Variants in PEX7 observed in about 807,000 individuals in gnomAD.
PEX7 encodes the protein PTS2 receptor.
In PEX7, 34 loss-of-function variants were observed where a neutral mutation model predicts 47.5. That is an observed-to-expected ratio of 0.72 (90% CI 0.54 to 0.95). PEX7 has a LOEUF of 0.95. PEX7 is among the 40% of genes least tolerant of loss of function. The pLI, the probability that PEX7 is intolerant of heterozygous loss-of-function variation, is 0.00. For missense variants in PEX7, 394 were observed against 400.3 expected, an observed-to-expected ratio of 0.98 and a Z score of 0.13; for synonymous variants, 141 against 148.8, an observed-to-expected ratio of 0.95 and a Z score of 0.38.
chr6:136,904,231 C>T (rs895862330), intron 9 of PEX7, among the ~76,000 whole-genome samples: 9 of 152,134 alleles, frequency 5.9e-5, no homozygotes, highest in African/African-American at 2.2e-4. Context: ...CAGAAGCAGT[C>T]GGTGTCCTCA....
At chr6:136,891,253 G>GA (rs1775547662) in intron 8 of PEX7, among the ~76,000 whole-genome samples, 1 of 152,158 alleles carries the variant, frequency 6.6e-6, no homozygotes, top group Non-Finnish European at 1.5e-5. Context: ...TGTTTACTGT[G>GA]ATGAAGTAAA....
At chr6:136,823,642 G>C (rs1395104835) in intron 1 of PEX7, among the ~76,000 whole-genome samples, 1 of 152,180 alleles carries the variant, frequency 6.6e-6, no homozygotes, top group Non-Finnish European at 1.5e-5. Context: ...TGTAATCCCA[G>C]CACTTTGGGA....
At chr6:136,869,217 A>G (rs1380416307) in intron 6 of PEX7, among the ~76,000 whole-genome samples, 1 of 151,642 alleles carries the variant, frequency 6.6e-6, no homozygotes, top group Non-Finnish European at 1.5e-5. Context: ...GAACCACCGC[A>G]CCCAGCCTTG....
At chr6:136,903,702 A>G (rs1775792521) in intron 9 of PEX7, among the ~76,000 whole-genome samples, 1 of 151,988 alleles carries the variant, frequency 6.6e-6, no homozygotes, top group African/African-American at 2.4e-5. Context: ...ACTGTGTCAC[A>G]CAGGCTGGAA....
intron 8 of PEX7, 82 bp from the exon 9 acceptor site, chr6:136,898,060 A>G (rs1301483361): frequency 2.5e-6 from 2 of 814,112 alleles, no homozygotes; most frequent in Non-Finnish European, 4.3e-6. Flanking sequence ...AATCTTTGCT[A>G]TGTCAAATAT....
chr6:136,825,370 A>G, intron 2 of PEX7, 99 bp downstream of exon 2: 3 of 1,018,376 alleles, frequency 2.9e-6, no homozygotes, highest in Admixed American at 1.9e-5. Context: ...TATACAGTAT[A>G]AAAGGAACCT....
At chr6:136,826,694 G>A (rs1202644852) in intron 3 of PEX7, among the ~76,000 whole-genome samples, 1 of 151,916 alleles carries the variant, frequency 6.6e-6, no homozygotes, top group African/African-American at 2.4e-5. Flanking sequence ...TCATTAGGCA[G>A]AAAGAACACC....
chr6:136,869,268 G>T (rs1775129485), intron 6 of PEX7, among the ~76,000 whole-genome samples: 1 of 151,794 alleles, frequency 6.6e-6, no homozygotes, highest in Non-Finnish European at 1.5e-5. Flanking sequence ...TAGAGACAGG[G>T]TCTCGCTGTG....
At chr6:136,879,778 T>C (rs934023662) in intron 8 of PEX7, among the ~76,000 whole-genome samples, 1 of 152,194 alleles carries the variant, frequency 6.6e-6, no homozygotes, top group Non-Finnish European at 1.5e-5. Context: ...CTCTCTCAGG[T>C]ACTTTCTGTC....
chr6:136,867,675 G>A (rs9321579), intron 6 of PEX7, among the ~76,000 whole-genome samples: 61,542 of 151,790 alleles, frequency 0.41, 13,245 homozygotes, highest in South Asian at 0.51. Context: ...CTACTCGGGA[G>A]GCTGAGGCAG....
At chr6:136,866,573 C>T in intron 5 of PEX7, 54 bp from the exon 6 acceptor site, 1 of 1,408,168 alleles carries the variant, frequency 7.1e-7, no homozygotes. Context: ...CACATTATGT[C>T]ACTGCACATT....
At chr6:136,846,219 G>A (rs1191033422) in intron 5 of PEX7, 38 bp downstream of exon 5, 1 of 1,296,454 alleles carries the variant, frequency 7.7e-7, no homozygotes, top group Non-Finnish European at 1.1e-6. Context: ...CTTACTTGTA[G>A]TGAATGGTGG....
chr6:136,868,569 G>A (rs1175984118), intron 6 of PEX7, among the ~76,000 whole-genome samples: 4 of 152,006 alleles, frequency 2.6e-5, no homozygotes, highest in Non-Finnish European at 5.9e-5. Context: ...GAACTCTAAA[G>A]AAAGATGCTG....
intron 9 of PEX7, among the ~76,000 whole-genome samples, chr6:136,910,875 G>A (rs1775922114): frequency 6.6e-6 from 1 of 151,968 alleles, no homozygotes. Context: ...AACATACAAA[G>A]TAACAGAATC....
intron 5 of PEX7, among the ~76,000 whole-genome samples, chr6:136,860,886 C>T (rs1774949729): frequency 6.6e-6 from 1 of 152,150 alleles, no homozygotes; most frequent in Non-Finnish European, 1.5e-5. Context: ...CTTATAGTCG[C>T]TTCTCACCAC....
At chr6:136,910,884 TCA>T (rs1775922367) in intron 9 of PEX7, among the ~76,000 whole-genome samples, 5 of 152,186 alleles carry the variant, frequency 3.3e-5, no homozygotes, top group Admixed American at 6.6e-5. Context: ...AGTAACAGAA[TCA>T]GATAACGAAC....
rs148742523 is a variant in PEX7, at chr6:136,824,623, A to G, written c.131-591A>G. On this transcript the variant is annotated intron_variant, in intron 1 of 9. Coordinates refer to ENST00000318471, the MANE Select transcript of PEX7 (RefSeq NM_000288.4). Reference sequence around the variant, plus strand: ...CCCTTGGTCTCTATAAAAAGTAAACATAACTTTTAAAATACAATGGCCCTT... The same window carrying G: ...CCCTTGGTCTCTATAAAAAGTAAACGTAACTTTTAAAATACAATGGCCCTT... 7.0e-4 allele frequency among the ~76,000 whole-genome samples: 107 copies of G among 152,376 alleles called. No individual in the cohort carries two copies. In the East Asian group the frequency reaches 0.019, roughly 27 times the overall value.
intron 8 of PEX7, among the ~76,000 whole-genome samples, chr6:136,876,241 G>A (rs1775270301): frequency 6.6e-6 from 1 of 151,818 alleles, no homozygotes; most frequent in African/African-American, 2.4e-5. Context: ...GTTTCACCGT[G>A]TTAGCCAGGA....
chr6:136,900,922 C>A lies in PEX7; in HGVS notation c.903+2681C>A, dbSNP rs372676334. On this transcript the variant is annotated intron_variant, in intron 9 of 9. Transcript: ENST00000318471. This position sits in a 1 kb window ranked among gnomAD's most constrained non-coding sequence, Gnocchi z 4.2. ...TTGGTGGTCCCAGGGCCTGGGTGAA[C>A]TGGTTCATCACAGGAGGCACTTTTA... 1.3e-4 allele frequency: 30 copies of A among 227,502 alleles called. 1 individual carries two copies. The highest frequency in any genetic ancestry group is 7.1e-4 in the Admixed American group (14 of 19,586). 14.1% of individuals were successfully genotyped at this position (227,502 alleles called of 1,614,324 possible).
Sources: allele counts gnomAD v4.1 joint callset (sites outside exome capture counted in the v4.1 genomes callset), GRCh38; gene constraint gnomAD v4.1.1; non-coding constraint Gnocchi (gnomAD v3.1); transcripts MANE v1.5; gene names NCBI Gene and HGNC (gene_info 2026-07-23, HGNC 2026-07-21).